Variants in TECPR2 observed in about 807,000 individuals in gnomAD.
TECPR2 encodes tectonin beta-propeller repeat-containing protein 2.
A neutral mutation model predicts 138.1 loss-of-function variants in TECPR2; 65 were observed. The ratio of observed to expected loss-of-function variants is 0.47; its 90% CI spans 0.39 to 0.58. The LOEUF is 0.58. TECPR2 is among the 20% of genes least tolerant of loss of function. The probability of loss-of-function intolerance (pLI) is 0.00; values close to 1 mark genes in which losing one functional copy is unlikely to be tolerated. For missense variants in TECPR2, 1,553 were observed against 1,824.5 expected (o/e 0.85, Z 2.71); for synonymous variants, 746 against 749.8 (o/e 0.99, Z 0.08).
In TECPR2 at chr14:102,499,129, G is replaced by A. The variant is rs1427509064; in HGVS notation, c.*872G>A. 1.4e-6 allele frequency: 1 copy of A among 703,094 alleles called. No homozygotes were observed. The highest frequency in any genetic ancestry group is 2.6e-6 in the Non-Finnish European group (1 of 385,020). The allele number at this position is 703,094 out of a possible 1,614,324, so 43.6% of individuals were successfully genotyped here. A position where few individuals can be genotyped will look rare whatever the true frequency, so the allele number is the denominator to read the frequency against. On this transcript the variant is annotated 3_prime_UTR_variant, in exon 20 of 20. Transcript: ENST00000359520. ...CAGCTGAAACAGTAAAGCCTGATGG[G>A]TGCAAATGGAACCTGGATGTGTGCA... is the stretch of plus-strand genomic sequence containing the variant.
chr14:102,463,416 C>CAAAAAAAAAAAAAAAA (rs550694466), intron 16 of TECPR2, among the ~76,000 whole-genome samples: 2 of 38,524 alleles, frequency 5.2e-5, no homozygotes, highest in African/African-American at 8.3e-5. Context: ...GACTCCGTCT[C>CAAAAAAAAAAAAAAAA]AAAAAAAAAA....
chr14:102,385,152 C>T (rs1887962469), intron 2 of TECPR2, among the ~76,000 whole-genome samples: 5 of 151,996 alleles, frequency 3.3e-5, no homozygotes, highest in Admixed American at 3.3e-4. Context: ...CCACGGCACC[C>T]GGCTCTTTTT....
chr14:102,470,646 T>C (rs940208385), intron 17 of TECPR2, among the ~76,000 whole-genome samples: 31 of 150,454 alleles, frequency 2.1e-4, no homozygotes, highest in African/African-American at 7.1e-4. Flanking sequence ...CTTCTTTTTT[T>C]TTTTTTTTTT....
rs1054046010 is a variant in TECPR2, at chr14:102,431,530, G to T, written c.1085-266G>T. 2.0e-5 allele frequency among the ~76,000 whole-genome samples: 3 copies of T among 152,018 alleles called. No homozygotes were observed. In the East Asian group the frequency reaches 5.8e-4, roughly 29 times the overall value. On this transcript the variant is annotated intron_variant, in intron 7 of 19. Transcript: ENST00000359520. Reference sequence around the variant, plus strand: ...GCTAATTTTTTGTATTTTTAGTAGAGACGGGGTTTCACTGTGTTAGCCAGG... The same window carrying T: ...GCTAATTTTTTGTATTTTTAGTAGATACGGGGTTTCACTGTGTTAGCCAGG...
At chr14:102,486,924 A>G (rs915659159) in intron 17 of TECPR2, among the ~76,000 whole-genome samples, 7 of 152,292 alleles carry the variant, frequency 4.6e-5, no homozygotes, top group African/African-American at 1.7e-4. Context: ...AAAAAGAACT[A>G]GAAAGACCAA....
chr14:102,440,711 G>A (rs1034190558), intron 11 of TECPR2, 102 bp downstream of exon 11: 61 of 1,388,044 alleles, frequency 4.4e-5, no homozygotes, highest in Non-Finnish European at 5.3e-5. Context: ...CTATGATTAA[G>A]AGGCTAAATC....
intron 16 of TECPR2, among the ~76,000 whole-genome samples, chr14:102,463,430 A>G (rs1415947089): frequency 1.3e-4 from 19 of 151,178 alleles, no homozygotes; most frequent in East Asian, 5.8e-4. Flanking sequence ...AAAAAAAAAA[A>G]AAAAAAAAAG....
intron 2 of TECPR2, among the ~76,000 whole-genome samples, chr14:102,401,358 G>T (rs1039915472): frequency 1.6e-4 from 24 of 148,200 alleles, no homozygotes; most frequent in Non-Finnish European, 3.3e-4. Flanking sequence ...AGAAATGCTT[G>T]AACCTGGGTG....
At position 102,497,644 on chromosome 14, in the gene TECPR2, C is replaced by T. The variant is rs778817517; in HGVS notation, c.4006C>T (p.Arg1336Trp). ...CTGTCCAAACGGAGACCTCGCCCGG[C>T]GGTACGGCGTCACAGACAAGAACCC... The part of the protein sequence containing the change: ...ARCPNGDLAR[R>W]YGVTDKNPAG... The change falls in exon 19 of 20, where the codon CGG becomes TGG. Residue 1336 changes from arginine to tryptophan, a missense_variant. Coordinates refer to ENST00000359520, the MANE Select transcript of TECPR2 (RefSeq NM_014844.5). 1.9e-5 allele frequency: 31 copies of T among 1,609,434 alleles called. No homozygotes were observed. Among genetic ancestry groups the T allele is most frequent in the East Asian group, 2.2e-5 (1 of 44,698 alleles).
At chr14:102,408,725 C>T in intron 4 of TECPR2, 106 bp downstream of exon 4, 3 of 1,177,210 alleles carry the variant, frequency 2.5e-6, no homozygotes, top group Non-Finnish European at 3.5e-6. Context: ...ATCATCATCC[C>T]TTTATAATCT....
At chr14:102,452,684 A>G in intron 16 of TECPR2, 57 bp downstream of exon 16, 3 of 1,420,920 alleles carry the variant, frequency 2.1e-6, no homozygotes, top group Non-Finnish European at 1.9e-6. Context: ...AACCGGCATC[A>G]CAACGTGATG....
At chr14:102,441,504 C>CT (rs1447042558) in intron 11 of TECPR2, among the ~76,000 whole-genome samples, 1 of 149,152 alleles carries the variant, frequency 6.7e-6, no homozygotes, top group Non-Finnish European at 1.5e-5. Flanking sequence ...TGGTGAAACT[C>CT]TGTCTCTACT....
rs763525892 is a variant in TECPR2, at chr14:102,428,361, C to T, written c.1063C>T (p.Pro355Ser). 1 of 1,607,320 alleles carries T rather than the reference C, an allele frequency of 6.2e-7. No homozygotes were observed. Among genetic ancestry groups the T allele is most frequent in the Non-Finnish European group, 8.5e-7 (1 of 1,178,264 alleles). The change falls in exon 7 of 20, where the codon CCT becomes TCT. Residue 355 changes from proline (P) to serine (S), a missense_variant. Physicochemically the swap from Pro to Ser is moderately conservative, Grantham distance 74. Transcript: ENST00000359520. ...GAACATTATAAGAATTTCAAGCAGG[C>T]CTGAAGGATTAACATCAACAGGTTT... is the stretch of plus-strand genomic sequence containing the variant. ...DRNIIRISSR[P>S]EGLTSTVRDG... is the part of the protein sequence containing the mutation.
intron 2 of TECPR2, among the ~76,000 whole-genome samples, chr14:102,385,884 C>G (rs991869534): frequency 2.7e-5 from 4 of 150,312 alleles, no homozygotes; most frequent in Non-Finnish European, 5.9e-5. Flanking sequence ...CGTAGTGAGC[C>G]GAGATCGAGC....
intron 2 of TECPR2, among the ~76,000 whole-genome samples, chr14:102,392,202 G>A (rs1319960038): frequency 6.6e-6 from 1 of 152,022 alleles, no homozygotes; most frequent in Non-Finnish European, 1.5e-5. Context: ...GTGTTGGCCA[G>A]GCTGGTCATG....
At position 102,434,826 on chromosome 14, in the gene TECPR2, A is replaced by G. The variant is rs1040232180; in HGVS notation, c.2009A>G (p.Asp670Gly). The G allele has an allele frequency of 1.9e-6, 3 of 1,613,398 alleles. No homozygotes were observed. Among genetic ancestry groups the G allele is most frequent in the Admixed American group, 1.7e-5 (1 of 60,020 alleles). Residue 670 changes from aspartate to glycine, a missense_variant, in exon 9 of 20, where the codon GAT becomes GGT. Transcript: ENST00000359520. Reference protein sequence around the residue: ...AEQWLPGTRADEGSPVEPSQE... With the variant: ...AEQWLPGTRAGEGSPVEPSQE... ...CAGTGGCTGCCTGGGACCAGAGCTGATGAAGGCAGCCCCGTGGAGCCCAGC... is the reference window on the plus strand; with the variant it reads ...CAGTGGCTGCCTGGGACCAGAGCTGGTGAAGGCAGCCCCGTGGAGCCCAGC...
At chr14:102,404,296 G>A (rs557564769) in intron 2 of TECPR2, among the ~76,000 whole-genome samples, 2 of 151,942 alleles carry the variant, frequency 1.3e-5, no homozygotes, top group South Asian at 2.1e-4. Flanking sequence ...CCATTTTTTG[G>A]CTTGGGAGTT....
chr14:102,384,002 A>T (rs117242207), intron 2 of TECPR2, among the ~76,000 whole-genome samples: 1 of 150,344 alleles, frequency 6.7e-6, no homozygotes, highest in Non-Finnish European at 1.5e-5. Flanking sequence ...CTCACTGCAA[A>T]CTCTGCCTCC....
At chr14:102,402,426 A>G (rs757140403) in intron 2 of TECPR2, among the ~76,000 whole-genome samples, 7 of 152,156 alleles carry the variant, frequency 4.6e-5, no homozygotes, top group African/African-American at 7.2e-5. Context: ...AGCTTTAAAT[A>G]TATACATTAA....
Sources: gnomAD v4.1 joint callset for allele counts (sites outside exome capture counted in the v4.1 genomes callset) on GRCh38, gnomAD v4.1.1 for gene constraint, MANE v1.5 for transcripts, NCBI Gene and HGNC (gene_info 2026-07-23, HGNC 2026-07-21) for gene names.